Variants in NEGR1 observed in about 807,000 individuals in gnomAD.
NEGR1 encodes the protein neuronal growth regulator 1.
Under a neutral mutation model 40.9 loss-of-function variants are expected in NEGR1, and 10 were observed. The observed-to-expected ratio is 0.24, with a 90% CI of 0.15 to 0.42. The LOEUF (loss-of-function observed/expected upper bound fraction) is 0.42. NEGR1 is among the 10% of genes least tolerant of loss of function. The pLI, the probability that NEGR1 is intolerant of heterozygous loss-of-function variation, is 1.00. For missense variants in NEGR1, 352 were observed against 438.9 expected, an observed-to-expected ratio of 0.80 and a Z score of 1.77; for synonymous variants, 185 against 166.8, an observed-to-expected ratio of 1.11 and a Z score of -0.84.
At chr1:71,490,837 A>G (rs1646923144) in intron 6 of NEGR1, among the ~76,000 whole-genome samples, 5 of 152,060 alleles carry the variant, frequency 3.3e-5, no homozygotes. Flanking sequence ...ACTGGACAGA[A>G]CTGGCTCCTT....
intron 2 of NEGR1, among the ~76,000 whole-genome samples, chr1:71,913,081 T>A (rs1026940838): frequency 1.1e-4 from 16 of 152,148 alleles, no homozygotes; most frequent in South Asian, 6.2e-4. Context: ...CATATATTTA[T>A]TAAAATATGG....
intron 6 of NEGR1, among the ~76,000 whole-genome samples, chr1:71,578,165 G>A (rs1313502961): frequency 1.3e-5 from 2 of 152,096 alleles, no homozygotes; most frequent in Non-Finnish European, 2.9e-5. Flanking sequence ...CTGATTAACA[G>A]TGATGCTGGA....
chr1:71,588,360 C>T (rs917896126), intron 6 of NEGR1, among the ~76,000 whole-genome samples: 11 of 152,082 alleles, frequency 7.2e-5, no homozygotes, highest in African/African-American at 2.4e-4. Flanking sequence ...TTTGTTAAAG[C>T]ACTTCATTCC....
rs186615436 is a variant in NEGR1 at position 71,872,398 on chromosome 1, G to A, written c.409+62681C>T. Among the ~76,000 whole-genome samples the A allele has an allele frequency of 6.6e-5, 10 of 152,248 alleles. No homozygotes were observed. The East Asian group carries it at 1.2e-3, about 18-fold the overall frequency. ...TGTAGACGTTAACTCTGTTCACCGC[G>A]TATTTCTGTGACAAGCCAGTTACAA... On this transcript the variant is annotated intron_variant, in intron 2 of 6. Coordinates refer to ENST00000357731, the MANE Select transcript of NEGR1 (RefSeq NM_173808.3).
intron 6 of NEGR1, among the ~76,000 whole-genome samples, chr1:71,475,500 A>T (rs548780370): frequency 1.3e-5 from 2 of 151,942 alleles, no homozygotes; most frequent in South Asian, 2.1e-4. Context: ...TGTAACTGTA[A>T]TTTTTTTCAT....
chr1:72,070,105 C>T (rs966676056), intron 1 of NEGR1, among the ~76,000 whole-genome samples: 2 of 151,640 alleles, frequency 1.3e-5, no homozygotes, highest in Admixed American at 1.3e-4. Flanking sequence ...AAAATTAATA[C>T]CATTGAAAAT....
At chr1:71,706,953 A>G (rs1259734182) in intron 3 of NEGR1, among the ~76,000 whole-genome samples, 1 of 151,980 alleles carries the variant, frequency 6.6e-6, no homozygotes, top group Non-Finnish European at 1.5e-5. Context: ...GGGGAGGGAG[A>G]CCACAACAAC....
At chr1:72,253,483 T>C (rs1280636132) in intron 1 of NEGR1, among the ~76,000 whole-genome samples, 1 of 152,184 alleles carries the variant, frequency 6.6e-6, no homozygotes, top group East Asian at 1.9e-4. Context: ...AATATATTAT[T>C]ATTTCTGCTA....
At chr1:72,110,407 A>C (rs1031155032) in intron 1 of NEGR1, among the ~76,000 whole-genome samples, 1 of 151,500 alleles carries the variant, frequency 6.6e-6, no homozygotes, top group African/African-American at 2.4e-5. Flanking sequence ...GGTTTAAGTA[A>C]AAACAAAGTA....
intron 2 of NEGR1, among the ~76,000 whole-genome samples, chr1:71,896,341 T>C (rs567838435): frequency 2.0e-5 from 3 of 152,280 alleles, no homozygotes; most frequent in South Asian, 2.1e-4. Context: ...ACTATTTATA[T>C]AGTTTATTTG....
chr1:72,106,721 T>C (rs577482443), intron 1 of NEGR1, among the ~76,000 whole-genome samples: 25 of 152,032 alleles, frequency 1.6e-4, no homozygotes, highest in African/African-American at 5.3e-4. Flanking sequence ...CAAAGCAAAA[T>C]TGGCTGACCC....
At chr1:72,161,083 C>T (rs1651538932) in intron 1 of NEGR1, among the ~76,000 whole-genome samples, 1 of 152,058 alleles carries the variant, frequency 6.6e-6, no homozygotes, top group Admixed American at 6.6e-5. Flanking sequence ...TCAGGAACTC[C>T]AGAACTTGAA....
chr1:71,992,014 C>G (rs546541332), intron 1 of NEGR1, among the ~76,000 whole-genome samples: 1 of 151,976 alleles, frequency 6.6e-6, no homozygotes, highest in East Asian at 1.9e-4. Flanking sequence ...AGGCTGGTCA[C>G]GAACTCCTGA....
At chr1:72,209,033 G>C (rs1653505624) in intron 1 of NEGR1, among the ~76,000 whole-genome samples, 1 of 151,388 alleles carries the variant, frequency 6.6e-6, no homozygotes, top group Admixed American at 6.6e-5. Flanking sequence ...AAGATACAAA[G>C]CCAAACAAAA....
At chr1:71,476,106 C>T (rs989574568) in intron 6 of NEGR1, among the ~76,000 whole-genome samples, 3 of 151,912 alleles carry the variant, frequency 2.0e-5, no homozygotes, top group African/African-American at 4.8e-5. Flanking sequence ...CTTAAATACT[C>T]TTAATATGTG....
chr1:72,230,729 T>C (rs1654334554), intron 1 of NEGR1, among the ~76,000 whole-genome samples: 1 of 152,172 alleles, frequency 6.6e-6, no homozygotes, highest in Admixed American at 6.6e-5. Context: ...AATCCTATTA[T>C]ATCCAAAATT....
chr1:71,436,728 A>G (rs1018641461), intron 6 of NEGR1, among the ~76,000 whole-genome samples: 7 of 152,140 alleles, frequency 4.6e-5, no homozygotes, highest in Non-Finnish European at 8.8e-5. Context: ...TCCTAAGCCT[A>G]TTCAATGTAA....
chr1:72,216,388 T>TATATATATATACATATATATATATACAC (rs1222484944), intron 1 of NEGR1, among the ~76,000 whole-genome samples: 4 of 132,352 alleles, frequency 3.0e-5, no homozygotes, highest in African/African-American at 1.3e-4. Context: ...TATATACATA[T>TATATATATATACATATATATATATACAC]ATATATATAT....
chr1:71,436,011 T>C (rs1053363180), intron 6 of NEGR1, among the ~76,000 whole-genome samples: 10 of 152,120 alleles, frequency 6.6e-5, no homozygotes, highest in Admixed American at 2.0e-4. Flanking sequence ...GGATTGTCAA[T>C]GTTATGGAAG....
Sources: gnomAD v4.1 joint callset for allele counts (sites outside exome capture counted in the v4.1 genomes callset) on GRCh38, gnomAD v4.1.1 for gene constraint, MANE v1.5 for transcripts, NCBI Gene and HGNC (gene_info 2026-07-23, HGNC 2026-07-21) for gene names.